PLPPR1: variants seen among roughly 807,000 people sequenced by gnomAD.
PLPPR1 encodes the protein phospholipid phosphatase related 1.
A neutral mutation model predicts 33.1 loss-of-function variants in PLPPR1; 10 were observed. The ratio of observed to expected loss-of-function variants is 0.30; its 90% CI spans 0.19 to 0.51. The LOEUF (loss-of-function observed/expected upper bound fraction) is 0.51, where lower values mean the gene tolerates loss of function less well. PLPPR1 is among the 20% of genes least tolerant of loss of function. The pLI, the probability that PLPPR1 is intolerant of heterozygous loss-of-function variation, is 0.97. For missense variants in PLPPR1, 304 were observed against 408.1 expected, an observed-to-expected ratio of 0.74 and a Z score of 2.20; for synonymous variants, 151 against 151.0, an observed-to-expected ratio of 1.00 and a Z score of 0.00.
chr9:101,207,467 G>A (rs2118760286), intron 2 of PLPPR1, among the ~76,000 whole-genome samples: 1 of 152,088 alleles, frequency 6.6e-6, no homozygotes. Flanking sequence ...CTGAACAATT[G>A]GGTATTCTTT....
At position 101,136,042 on chromosome 9, in the gene PLPPR1, C is replaced by A. The variant is rs945801211; in HGVS notation, c.-45-49408C>A. 2.0e-5 allele frequency among the ~76,000 whole-genome samples: 3 copies of A among 152,220 alleles called. No individual in the cohort carries two copies. In the East Asian group the frequency reaches 5.8e-4, roughly 29 times the overall value. On this transcript the variant is annotated intron_variant, in intron 1 of 7. Transcript: ENST00000374874. ...GGGATTTAGGAAAGTTTCTCTGATA[C>A]GTTTTTCCCCCTCATCAGCTTTAAT...
intron 1 of PLPPR1, among the ~76,000 whole-genome samples, chr9:101,035,091 A>G (rs762361349): frequency 6.6e-6 from 1 of 152,202 alleles, no homozygotes; most frequent in Non-Finnish European, 1.5e-5. Context: ...GCTGTTTAGC[A>G]GATTGTTTTA....
intron 1 of PLPPR1, among the ~76,000 whole-genome samples, chr9:101,036,501 A>G (rs1830012260): frequency 6.6e-6 from 1 of 152,130 alleles, no homozygotes; most frequent in East Asian, 1.9e-4. Flanking sequence ...GTAAATTTAC[A>G]TGTAGTTATT....
At chr9:101,109,134 AT>A (rs67666339) in intron 1 of PLPPR1, among the ~76,000 whole-genome samples, 54,476 of 99,734 alleles carry the variant, frequency 0.55, 13,488 homozygotes, top group Non-Finnish European at 0.59. Flanking sequence ...AATTTTTTGT[AT>A]TTTTTTTTTT....
chr9:101,238,102 AT>A (rs1284376768), intron 2 of PLPPR1, among the ~76,000 whole-genome samples: 1 of 139,092 alleles, frequency 7.2e-6, no homozygotes, highest in Non-Finnish European at 1.6e-5. Context: ...ATACATATAT[AT>A]AGCCTATATA....
At chr9:101,133,745 G>A (rs1419414149) in intron 1 of PLPPR1, among the ~76,000 whole-genome samples, 2 of 152,116 alleles carry the variant, frequency 1.3e-5, no homozygotes, top group African/African-American at 2.4e-5. Flanking sequence ...TACTATACTT[G>A]AGTTTATCCC....
chr9:101,108,136 A>C (rs1831001296), intron 1 of PLPPR1, among the ~76,000 whole-genome samples: 1 of 146,756 alleles, frequency 6.8e-6, no homozygotes, highest in Non-Finnish European at 1.5e-5. Context: ...GGAGCTGTAG[A>C]CCGGAGCTGT....
At chr9:101,090,111 A>G (rs1476141816) in intron 1 of PLPPR1, among the ~76,000 whole-genome samples, 1 of 152,038 alleles carries the variant, frequency 6.6e-6, no homozygotes, top group Non-Finnish European at 1.5e-5. Context: ...CACACAGCAT[A>G]TTCTCCCTGT....
chr9:101,051,136 C>T (rs904399244), intron 1 of PLPPR1, among the ~76,000 whole-genome samples: 1 of 152,166 alleles, frequency 6.6e-6, no homozygotes. Flanking sequence ...CTGTTCTTCA[C>T]AACATTCAGT....
chr9:101,147,850 T>G (rs1831538545), intron 1 of PLPPR1, among the ~76,000 whole-genome samples: 1 of 152,180 alleles, frequency 6.6e-6, no homozygotes, highest in Non-Finnish European at 1.5e-5. Flanking sequence ...TAATGTCACT[T>G]AGTAAGTGGC....
chr9:101,062,497 C>CA (rs371394445), intron 1 of PLPPR1, among the ~76,000 whole-genome samples: 1 of 151,594 alleles, frequency 6.6e-6, no homozygotes, highest in Non-Finnish European at 1.5e-5. Flanking sequence ...TTAAACATAG[C>CA]AAAAAAATTA....
At chr9:101,186,227 G>A (rs938061561) in intron 2 of PLPPR1, among the ~76,000 whole-genome samples, 6 of 151,580 alleles carry the variant, frequency 4.0e-5, no homozygotes, top group Non-Finnish European at 5.9e-5. Context: ...TAGGAAATTC[G>A]GAAAAAAACT....
chr9:101,164,501 T>G (rs1263375631), intron 1 of PLPPR1, among the ~76,000 whole-genome samples: 1 of 152,040 alleles, frequency 6.6e-6, no homozygotes, highest in African/African-American at 2.4e-5. Context: ...TAGCTGGGAT[T>G]ACGGGTGCAC....
At chr9:101,240,409 A>ACTGTTTTTTTTTTTTTTTTTTTT (rs1564012614) in intron 2 of PLPPR1, among the ~76,000 whole-genome samples, 18 of 151,668 alleles carry the variant, frequency 1.2e-4, no homozygotes, top group African/African-American at 4.1e-4. Context: ...AAATTTTAGA[A>ACTGTTTTTTTTTTTTTTTTTTTT]TTGTTTTTTT....
At chr9:101,111,136 T>C (rs1831050387) in intron 1 of PLPPR1, among the ~76,000 whole-genome samples, 1 of 152,244 alleles carries the variant, frequency 6.6e-6, no homozygotes, top group South Asian at 2.1e-4. Context: ...AAAACATGAC[T>C]AGCGGTGGGG....
chr9:101,037,070 T>C (rs632480), intron 1 of PLPPR1, among the ~76,000 whole-genome samples: 103,752 of 151,996 alleles, frequency 0.68, 35,768 homozygotes, highest in East Asian at 0.88. Context: ...GCCATGAAGC[T>C]TTAGATGAGA....
chr9:101,090,543 G>T (rs1830728690), intron 1 of PLPPR1, among the ~76,000 whole-genome samples: 1 of 152,032 alleles, frequency 6.6e-6, no homozygotes, highest in African/African-American at 2.4e-5. Flanking sequence ...CCCCAGTCTG[G>T]CTTCCAGAGT....
chr9:101,159,685 T>C (rs1245535463), intron 1 of PLPPR1, among the ~76,000 whole-genome samples: 1 of 152,172 alleles, frequency 6.6e-6, no homozygotes, highest in East Asian at 1.9e-4. Flanking sequence ...GAGTCAGAAC[T>C]GGAGTGCAAA....
rs915513657 is a variant in PLPPR1 at position 101,312,956 on chromosome 9, T to G, written c.795T>G (p.Thr265=). ...SDVIAGFILG[T]AVALFLGMCV... ...TGATTGCTGGTTTCATCCTGGGCAC[T>G]GCAGTGGCCCTGTTTCTGGTAGGTT... The change falls in exon 6 of 8, where the codon ACT becomes ACG. Residue 265 remains threonine, a synonymous_variant. Coordinates refer to ENST00000374874, the MANE Select transcript of PLPPR1 (RefSeq NM_207299.2). 1 of 1,614,044 alleles carries G rather than the reference T, an allele frequency of 6.2e-7. No individual in the cohort carries two copies. The highest frequency in any genetic ancestry group is 1.3e-5 in the African/African-American group (1 of 74,936).
Sources: allele counts gnomAD v4.1 joint callset (sites outside exome capture counted in the v4.1 genomes callset), GRCh38; gene constraint gnomAD v4.1.1; transcripts MANE v1.5; gene names NCBI Gene and HGNC (gene_info 2026-07-23, HGNC 2026-07-21).